The following RANBP3L variants were observed in gnomAD, a reference collection of about 807,000 sequenced individuals.
RANBP3L encodes the protein ran-binding protein 3-like.
RANBP3L carries 56 observed loss-of-function variants against 67.2 expected under a neutral mutation model. That is an observed-to-expected ratio of 0.83 (90% confidence interval 0.67 to 1.04). The LOEUF is 1.04. RANBP3L is among the 50% of genes least tolerant of loss of function. RANBP3L has a pLI of 0.00. For missense variants in RANBP3L, 496 were observed against 535.5 expected (o/e 0.93, Z 0.73); for synonymous variants, 164 against 181.4 (o/e 0.90, Z 0.77).
intron 1 of RANBP3L, among the ~76,000 whole-genome samples, chr5:36,300,783 T>C (rs1409262296): frequency 6.6e-6 from 1 of 152,116 alleles, no homozygotes; most frequent in African/African-American, 2.4e-5. Flanking sequence ...GGGAGGTAGA[T>C]AGTTTAGTTT....
At chr5:36,258,595 T>C (rs1749156274) in intron 8 of RANBP3L, among the ~76,000 whole-genome samples, 1 of 152,198 alleles carries the variant, frequency 6.6e-6, no homozygotes. Flanking sequence ...CCTTAAGATA[T>C]TACCAACTTA....
Position 36,261,979 on chromosome 5 carries a change from G to A in RANBP3L, c.544C>T (p.Leu182=), listed in dbSNP as rs1749425910. 7.5e-6 allele frequency: 12 copies of A among 1,606,068 alleles called. No individual in the cohort carries two copies. Among genetic ancestry groups the A allele is most frequent in the Non-Finnish European group, 9.4e-6 (11 of 1,173,464 alleles). The change falls in exon 7 of 14, where the codon CTG becomes TTG. Residue 182 remains leucine, a synonymous_variant. Transcript: ENST00000296604. ...NLSRARISVQ[L]STNQDFLGAT... is the part of the protein sequence containing the mutation. ...CCTAAAAAGTCCTGGTTAGTAGACAGCTGGACTGAAATTCTAGCCCTTGAT... is the reference window on the plus strand; with the variant it reads ...CCTAAAAAGTCCTGGTTAGTAGACAACTGGACTGAAATTCTAGCCCTTGAT...
At chr5:36,299,015 G>A (rs749646418) in intron 1 of RANBP3L, among the ~76,000 whole-genome samples, 4 of 152,178 alleles carry the variant, frequency 2.6e-5, no homozygotes, top group Middle Eastern at 3.4e-3. Flanking sequence ...CACTGGGCTG[G>A]GGAAGGCAGA....
rs769522731 is a variant in RANBP3L, at chr5:36,251,476, A to G, written c.1191T>C (p.Tyr397=). 1 of 1,611,916 alleles carries G rather than the reference A, an allele frequency of 6.2e-7. No homozygotes were observed. Among genetic ancestry groups the G allele is most frequent in the Non-Finnish European group, 8.5e-7 (1 of 1,178,576 alleles). Residue 397 remains tyrosine (Y), a synonymous_variant, in exon 13 of 14, where the codon TAT becomes TAC. Transcript: ENST00000296604. ...LIQASAQDTA[Y]LYAAIHHRLV... ...GACGATGATGTATTGCTGCATACAA[A>G]TATGCTGTATCTTGGGCACTGGCCT...
rs931268839 is a variant in RANBP3L, at chr5:36,258,026, C to T, written c.670-470G>A. Among the ~76,000 whole-genome samples the T allele has an allele frequency of 2.0e-4, 30 of 151,954 alleles. 1 individual carries two copies. Among genetic ancestry groups the T allele is most frequent in the African/African-American group, 7.0e-4 (29 of 41,358 alleles). On this transcript the variant is annotated intron_variant, in intron 8 of 13. Coordinates refer to ENST00000296604, the MANE Select transcript of RANBP3L (RefSeq NM_145000.5). The stretch of plus-strand genomic sequence containing the variant: ...CTGTATATAGTAATAGAAACATATA[C>T]CAAGGTATTTCAGTATCCCCAGAAA...
intron 13 of RANBP3L, among the ~76,000 whole-genome samples, chr5:36,250,899 A>C (rs1010030705): frequency 2.6e-5 from 4 of 152,158 alleles, no homozygotes; most frequent in Non-Finnish European, 2.9e-5. Flanking sequence ...TCTTACAAGC[A>C]GTCAAATTCT....
At chr5:36,255,674 G>T in intron 10 of RANBP3L, 84 bp from the exon 11 acceptor site, 1 of 856,458 alleles carries the variant, frequency 1.2e-6, no homozygotes, top group Non-Finnish European at 1.8e-6. Flanking sequence ...ACGTTTATAT[G>T]TGTCTAGTCT....
intron 11 of RANBP3L, among the ~76,000 whole-genome samples, chr5:36,255,151 A>C (rs941645378): frequency 2.6e-5 from 4 of 152,122 alleles, no homozygotes; most frequent in Non-Finnish European, 5.9e-5. Context: ...GCTTTATCTC[A>C]TTGAAATCTC....
At chr5:36,262,572 T>A (rs1294468087) in intron 6 of RANBP3L, among the ~76,000 whole-genome samples, 1 of 152,156 alleles carries the variant, frequency 6.6e-6, no homozygotes, top group African/African-American at 2.4e-5. Context: ...TGAATTAATA[T>A]ATAAATGTAA....
chr5:36,301,377 C>T lies in RANBP3L; in HGVS notation c.40G>A (p.Gly14Ser), dbSNP rs779840724. ...TTCAGTTTACAGGTGTGCAAACTGC[C>T]AGGCAGGTGGCTGCTGCCTTTTCTT... ...IPRKGSSHLP[G>S]SLHTCKLKLQ... Residue 14 changes from glycine (G) to serine (S), a missense_variant, in exon 1 of 14, where the codon GGC becomes AGC. By Grantham distance (56) the Gly-to-Ser change is moderately conservative. Coordinates refer to ENST00000296604, the MANE Select transcript of RANBP3L (RefSeq NM_145000.5). 7 of 1,613,644 alleles carry T rather than the reference C, an allele frequency of 4.3e-6. No individual in the cohort carries two copies. The highest frequency in any genetic ancestry group is 5.9e-6 in the Non-Finnish European group (7 of 1,179,812).
chr5:36,293,390 T>G (rs1484016931), intron 1 of RANBP3L, among the ~76,000 whole-genome samples: 6 of 142,822 alleles, frequency 4.2e-5, no homozygotes, highest in Admixed American at 3.6e-4. Context: ...GAATACCCTT[T>G]ATTTCCTTCT....
chr5:36,264,815 AG>A, intron 6 of RANBP3L, 143 bp downstream of exon 6: 1 of 689,712 alleles, frequency 1.4e-6, no homozygotes, highest in Non-Finnish European at 2.5e-6. Flanking sequence ...AACTTTGAAA[AG>A]TTTACCAAGG....
intron 1 of RANBP3L, among the ~76,000 whole-genome samples, chr5:36,297,426 TAC>T (rs35651432): frequency 6.7e-6 from 1 of 149,014 alleles, no homozygotes; most frequent in African/African-American, 2.5e-5. Flanking sequence ...GTCACCTGTA[TAC>T]ACACACACAC....
At position 36,277,440 on chromosome 5, in the gene RANBP3L, A is replaced by ATGTG. The variant is rs149996886; in HGVS notation, c.92-6133_92-6130dup. On this transcript the variant is annotated intron_variant, in intron 1 of 13. Transcript: ENST00000296604. ...TCTCTCTCTATATATATATATATATATGTGTGTGTGTGTGTGTGTGTGTGT... is the reference window on the plus strand; with the variant it reads ...TCTCTCTCTATATATATATATATATATGTGTGTGTGTGTGTGTGTGTGTGTGTGT... Among the ~76,000 whole-genome samples the ATGTG allele has an allele frequency of 3.1e-3, 355 of 115,014 alleles. 5 individuals are homozygous for ATGTG. The highest frequency in any genetic ancestry group is 0.01 in the African/African-American group (292 of 28,982). The allele number at this position is 115,014 out of a possible 152,430, so 75.5% of individuals were successfully genotyped here. A position where few individuals can be genotyped will look rare whatever the true frequency, so the allele number is the denominator to read the frequency against.
chr5:36,278,662 G>A lies in RANBP3L; in HGVS notation c.92-7351C>T, dbSNP rs74891831. Among the ~76,000 whole-genome samples the A allele has an allele frequency of 6.0e-3, 911 of 152,138 alleles. 8 individuals are homozygous for A. Among genetic ancestry groups the A allele is most frequent in the African/African-American group, 0.021 (864 of 41,512 alleles). ...TGTGAAAATAATTACTATTCAAACC[G>A]TATACTATAATTACTACAATTCAGT... is the stretch of plus-strand genomic sequence containing the variant. On this transcript the variant is annotated intron_variant, in intron 1 of 13. Transcript: ENST00000296604.
At chr5:36,261,168 C>G (rs1182517988) in intron 7 of RANBP3L, among the ~76,000 whole-genome samples, 1 of 152,228 alleles carries the variant, frequency 6.6e-6, no homozygotes, top group East Asian at 1.9e-4. Context: ...TCCAACACAC[C>G]CTGTCTAGTA....
At chr5:36,266,551 T>G (rs1041663231) in intron 4 of RANBP3L, among the ~76,000 whole-genome samples, 4 of 152,210 alleles carry the variant, frequency 2.6e-5, no homozygotes, top group African/African-American at 4.8e-5. Context: ...AAAAGAGCCA[T>G]ATTTTTCTCC....
At chr5:36,261,454 A>G (rs1314778105) in intron 7 of RANBP3L, among the ~76,000 whole-genome samples, 1 of 152,202 alleles carries the variant, frequency 6.6e-6, no homozygotes, top group Non-Finnish European at 1.5e-5. Context: ...GAGCCCAGTC[A>G]TGTGAGTCAG....
intron 1 of RANBP3L, among the ~76,000 whole-genome samples, chr5:36,272,565 G>A (rs1750295712): frequency 1.3e-5 from 2 of 152,126 alleles, no homozygotes; most frequent in South Asian, 4.1e-4. Flanking sequence ...ATTTCCTAGA[G>A]CCATGTGAAT....
Sources: allele counts gnomAD v4.1 joint callset (sites outside exome capture counted in the v4.1 genomes callset), GRCh38; gene constraint gnomAD v4.1.1; transcripts MANE v1.5; gene names NCBI Gene and HGNC (gene_info 2026-07-23, HGNC 2026-07-21).